Variants in MANBA observed in about 807,000 individuals in gnomAD.
The protein encoded by MANBA is beta-mannosidase.
In MANBA, 83 loss-of-function variants were observed where a neutral mutation model predicts 111.1. That is an observed-to-expected ratio of 0.75 (90% CI 0.63 to 0.90). MANBA has a LOEUF of 0.90. MANBA is among the 40% of genes least tolerant of loss of function. MANBA has a pLI of 0.00. For synonymous variants in MANBA, 370 were observed against 378.7 expected (o/e 0.98, Z 0.27); for missense variants, 1,036 against 1,069.0 (o/e 0.97, Z 0.43).
chr4:102,649,490 T>C (rs1015732443), intron 13 of MANBA, among the ~76,000 whole-genome samples: 1 of 152,184 alleles, frequency 6.6e-6, no homozygotes, highest in African/African-American at 2.4e-5. Context: ...TTAATTTGCA[T>C]GTTCTTGATT....
intron 13 of MANBA, among the ~76,000 whole-genome samples, chr4:102,645,314 GTAGGTTGCTTTTCATGAGA>G (rs1249491436): frequency 6.6e-6 from 1 of 152,150 alleles, no homozygotes; most frequent in East Asian, 1.9e-4. Flanking sequence ...ATATGAGTCT[GTAGGTTGCTTTTCATGAGA>G]TATGTTTGTC....
chr4:102,658,542 T>C (rs892600979), intron 11 of MANBA, among the ~76,000 whole-genome samples: 13 of 152,214 alleles, frequency 8.5e-5, no homozygotes, highest in African/African-American at 4.8e-5. Context: ...AAGATGAGGA[T>C]AATAATAGTA....
intron 13 of MANBA, among the ~76,000 whole-genome samples, chr4:102,645,179 C>T (rs1242277304): frequency 2.6e-5 from 4 of 151,784 alleles, no homozygotes; most frequent in East Asian, 3.9e-4. Context: ...TTTCATATAT[C>T]GAATCAATCT....
At chr4:102,757,404 T>G (rs2110215331) in intron 1 of MANBA, among the ~76,000 whole-genome samples, 1 of 151,188 alleles carries the variant, frequency 6.6e-6, no homozygotes, top group East Asian at 1.9e-4. Context: ...AAACCAAAGG[T>G]TTAGATTCTG....
intron 8 of MANBA, chr4:102,672,140 A>T: frequency 2.5e-6 from 1 of 398,662 alleles, no homozygotes. Context: ...TCATTTTCTT[A>T]TGAAATCTAA....
At position 102,689,576 on chromosome 4, in the gene MANBA, T is replaced by A. The variant is rs762022977; in HGVS notation, c.958A>T (p.Lys320Ter). 1 of 1,545,206 alleles carries A rather than the reference T, an allele frequency of 6.5e-7. No homozygotes were observed. Among genetic ancestry groups the A allele is most frequent in the Non-Finnish European group, 8.9e-7 (1 of 1,120,196 alleles). Residue 320 changes from lysine (K) to a stop codon, truncating the protein, a stop_gained and splice_region_variant, in exon 7 of 17, where the codon AAG (lysine) becomes TAG (stop). Transcript: ENST00000647097. LOFTEE classifies it high-confidence loss of function. The part of the protein sequence containing the change: ...DGGLNIEKSA[K>*]VYFRTVELIE... ...AATATTTTAAATTACTTACTTACCT[T>A]AGCTGATTTTTCAATATTTAAGCCT...
intron 16 of MANBA, among the ~76,000 whole-genome samples, chr4:102,634,301 T>C (rs1729515846): frequency 6.6e-6 from 1 of 152,240 alleles, no homozygotes; most frequent in Non-Finnish European, 1.5e-5. Context: ...TGAATATTAA[T>C]AGACTCTACT....
intron 7 of MANBA, among the ~76,000 whole-genome samples, chr4:102,680,944 T>C (rs1289244017): frequency 4.6e-5 from 7 of 152,234 alleles, no homozygotes; most frequent in Non-Finnish European, 1.0e-4. Context: ...CTCTGCCACC[T>C]TCAATATAGG....
chr4:102,653,333 C>T (rs1730425386), intron 12 of MANBA, among the ~76,000 whole-genome samples: 4 of 151,992 alleles, frequency 2.6e-5, no homozygotes, highest in Admixed American at 2.6e-4. Flanking sequence ...ATTAAATAAT[C>T]TGTCCAAGAT....
At chr4:102,643,242 T>G (rs1729958918) in intron 13 of MANBA, among the ~76,000 whole-genome samples, 1 of 152,240 alleles carries the variant, frequency 6.6e-6, no homozygotes, top group African/African-American at 2.4e-5. Context: ...GCTTCCTTTT[T>G]ATTTCTGAAT....
intron 10 of MANBA, chr4:102,667,808 T>A (rs1490831045): frequency 2.6e-5 from 4 of 152,212 alleles, no homozygotes; most frequent in Non-Finnish European, 5.9e-5. Context: ...ATTATCCACA[T>A]TGTAGCTTTA....
chr4:102,637,902 A>T (rs1263850901), intron 14 of MANBA, among the ~76,000 whole-genome samples: 1 of 152,208 alleles, frequency 6.6e-6, no homozygotes, highest in Non-Finnish European at 1.5e-5. Context: ...AGAGGCCCAG[A>T]CTTGCGACTG....
At chr4:102,688,187 CACATCCTCTCAGCCAAGAGGGGT>C (rs1732303440) in intron 7 of MANBA, among the ~76,000 whole-genome samples, 1 of 152,110 alleles carries the variant, frequency 6.6e-6, no homozygotes, top group Non-Finnish European at 1.5e-5. Context: ...TGAGACAGCA[CACATCCTCTCAGCCAAGAGGGGT>C]ACGACAAGAG....
intron 2 of MANBA, among the ~76,000 whole-genome samples, chr4:102,725,625 A>G (rs933529088): frequency 2.0e-5 from 3 of 152,246 alleles, no homozygotes; most frequent in African/African-American, 4.8e-5. Context: ...ATATTCTGTG[A>G]TGATTAATCT....
At chr4:102,729,392 C>T (rs1722940649) in intron 1 of MANBA, 9 of 877,766 alleles carry the variant, frequency 1.0e-5, no homozygotes, top group South Asian at 2.8e-5. Context: ...TTGACCTCAG[C>T]GATGATGCTG....
At chr4:102,681,928 C>G (rs1731997599) in intron 7 of MANBA, among the ~76,000 whole-genome samples, 1 of 151,954 alleles carries the variant, frequency 6.6e-6, no homozygotes, top group African/African-American at 2.4e-5. Context: ...GGTGGATCAC[C>G]TGAGGTCGGG....
Position 102,635,846 on chromosome 4 carries a change from A to T in MANBA, c.2157+19T>A, listed in dbSNP as rs1159084949. The stretch of plus-strand genomic sequence containing the variant: ...CTAAAAGTCTCCTTCGATCTTAGAA[A>T]ACAATCCAAGTAACTTACACTGAGT... On this transcript the variant is annotated intron_variant, in intron 15 of 16. Coordinates refer to ENST00000647097, the MANE Select transcript of MANBA (RefSeq NM_005908.4). 4.4e-6 allele frequency: 7 copies of T among 1,607,150 alleles called. No individual in the cohort carries two copies. Among genetic ancestry groups the T allele is most frequent in the Middle Eastern group, 3.3e-4 (2 of 6,044 alleles).
rs577260260 is a variant in MANBA, at chr4:102,730,944, A to T, written c.178-4261T>A. 2.6e-5 allele frequency among the ~76,000 whole-genome samples: 4 copies of T among 152,256 alleles called. No homozygotes were observed. The East Asian group carries it at 7.7e-4, about 29-fold the overall frequency. ...GCACCCCATGTTCCCCTGAAACTGC[A>T]CATCTCACACGCTCCACCTCTGTCC... On this transcript the variant is annotated intron_variant, in intron 1 of 16. Transcript: ENST00000647097.
At chr4:102,653,983 CTT>C (rs1730451941) in intron 12 of MANBA, among the ~76,000 whole-genome samples, 1 of 152,142 alleles carries the variant, frequency 6.6e-6, no homozygotes, top group South Asian at 2.1e-4. Context: ...GGTCCTCACT[CTT>C]TTATTAGACA....
Sources: gnomAD v4.1 joint callset for allele counts (sites outside exome capture counted in the v4.1 genomes callset) on GRCh38, gnomAD v4.1.1 for gene constraint, MANE v1.5 for transcripts, NCBI Gene and HGNC (gene_info 2026-07-23, HGNC 2026-07-21) for gene names.